The following HPSE2 variants were observed in gnomAD, a reference collection of about 807,000 sequenced individuals.
HPSE2 encodes the protein heparanase 2 (inactive).
A neutral mutation model predicts 60.5 loss-of-function variants in HPSE2; 38 were observed. The observed-to-expected ratio is 0.63, with a 90% CI of 0.48 to 0.82. The LOEUF is 0.82. Among genes scored for constraint, HPSE2 ranks in the 40% least tolerant of loss-of-function variants. The pLI, the probability that HPSE2 is intolerant of heterozygous loss-of-function variation, is 0.00. For synonymous variants in HPSE2, 295 were observed against 293.2 expected, an observed-to-expected ratio of 1.01 and a Z score of -0.06; for missense variants, 713 against 740.4, an observed-to-expected ratio of 0.96 and a Z score of 0.43.
intron 2 of HPSE2, among the ~76,000 whole-genome samples, chr10:99,228,312 T>C (rs920571914): frequency 1.3e-5 from 2 of 152,138 alleles, no homozygotes; most frequent in Admixed American, 1.3e-4. Context: ...ACATATTATG[T>C]AAGCAATCCA....
At chr10:98,728,450 T>G (rs1949146308) in intron 4 of HPSE2, among the ~76,000 whole-genome samples, 1 of 152,106 alleles carries the variant, frequency 6.6e-6, no homozygotes. Context: ...AAACCCTGTC[T>G]CTACTAAAAA....
intron 9 of HPSE2, among the ~76,000 whole-genome samples, chr10:98,591,560 G>C (rs1243350351): frequency 3.3e-5 from 5 of 152,116 alleles, no homozygotes; most frequent in Admixed American, 2.0e-4. Context: ...CTACTTGGGA[G>C]TTGAGGCACG....
chr10:99,260,847 G>A, the HPSE2 span, among the ~76,000 whole-genome samples: 11 of 152,092 alleles, frequency 7.2e-5, no homozygotes, highest in South Asian at 8.3e-4. Context: ...GCAACCTTGC[G>A]ACCTCCATTC....
Position 98,620,610 on chromosome 10 carries a change from T to C in HPSE2, c.1197A>G (p.Ala399=). The change falls in exon 8 of 12, where the codon GCA becomes GCG. Residue 399 remains alanine (A), a synonymous_variant. Coordinates refer to ENST00000370552, the MANE Select transcript of HPSE2 (RefSeq NM_021828.5). ...GTNNLSDSYA[A]GFLWLNTLGM... ...TTGCAGGTGTTACTCACAAGAATCC[T>C]GCAGCATAGGAATCGGATAGATTGT... The C allele has an allele frequency of 6.2e-7, 1 of 1,613,544 alleles. No homozygotes were observed.
intron 3 of HPSE2, among the ~76,000 whole-genome samples, chr10:99,096,616 T>C (rs933453924): frequency 6.6e-6 from 1 of 152,208 alleles, no homozygotes; most frequent in Non-Finnish European, 1.5e-5. Flanking sequence ...CATTTAGGGA[T>C]AATCCATATC....
At chr10:99,206,247 A>T (rs968956455) in intron 2 of HPSE2, among the ~76,000 whole-genome samples, 1 of 152,166 alleles carries the variant, frequency 6.6e-6, no homozygotes, top group Non-Finnish European at 1.5e-5. Context: ...GTGTTAATCT[A>T]CTGTTCCATA....
At chr10:98,918,628 A>G (rs1564655502) in intron 3 of HPSE2, among the ~76,000 whole-genome samples, 1 of 139,650 alleles carries the variant, frequency 7.2e-6, no homozygotes, top group Non-Finnish European at 1.5e-5. Context: ...GAATTGAACA[A>G]TGAGAACACA....
At chr10:98,753,964 A>C (rs1272377921) in intron 3 of HPSE2, among the ~76,000 whole-genome samples, 1 of 152,228 alleles carries the variant, frequency 6.6e-6, no homozygotes, top group Non-Finnish European at 1.5e-5. Flanking sequence ...TCTTACCTCC[A>C]AATGACCACA....
chr10:98,459,625 C>T lies in HPSE2; in HGVS notation c.1728G>A (p.Met576Ile), dbSNP rs553205809. Residue 576 changes from methionine to isoleucine, a missense_variant, in exon 12 of 12, where the codon ATG (methionine) becomes ATA (isoleucine). Physicochemically the swap from Met to Ile is conservative, Grantham distance 10. Transcript: ENST00000370552. ...GRTLVIPPVT[M>I]GFYVVKNVNA... The stretch of plus-strand genomic sequence containing the variant: ...TGACATTCTTGACCACATAAAAGCC[C>T]ATGGTGACTGGAGGGATGACCAATG... 5.6e-6 allele frequency: 9 copies of T among 1,614,140 alleles called. No individual in the cohort carries two copies. In the African/African-American group the frequency reaches 1.1e-4, roughly 19 times the overall value.
chr10:99,211,759 A>G (rs1319150437), intron 2 of HPSE2, among the ~76,000 whole-genome samples: 1 of 152,202 alleles, frequency 6.6e-6, no homozygotes, highest in African/African-American at 2.4e-5. Flanking sequence ...TAAAACTATT[A>G]GAAGAACACA....
intron 3 of HPSE2, among the ~76,000 whole-genome samples, chr10:99,058,125 T>C (rs1375211985): frequency 1.3e-5 from 2 of 152,106 alleles, no homozygotes; most frequent in Non-Finnish European, 2.9e-5. Context: ...CAGCACAGTT[T>C]TAGAGGGTTC....
intron 3 of HPSE2, among the ~76,000 whole-genome samples, chr10:98,968,943 G>A (rs776658947): frequency 6.6e-6 from 1 of 151,792 alleles, no homozygotes; most frequent in African/African-American, 2.4e-5. Flanking sequence ...CACCACTAAC[G>A]AAGTTACCCA....
intron 3 of HPSE2, among the ~76,000 whole-genome samples, chr10:98,789,777 T>C (rs928914737): frequency 1.3e-5 from 2 of 152,096 alleles, no homozygotes; most frequent in Non-Finnish European, 2.9e-5. Context: ...CTACCACAAA[T>C]GGGGAAAAGA....
chr10:98,663,018 T>G (rs1947265251), intron 6 of HPSE2, among the ~76,000 whole-genome samples: 1 of 152,142 alleles, frequency 6.6e-6, no homozygotes, highest in Non-Finnish European at 1.5e-5. Flanking sequence ...ATGAAGGTCA[T>G]TTAATATTTA....
intron 9 of HPSE2, among the ~76,000 whole-genome samples, chr10:98,576,750 C>T (rs1390106969): frequency 2.0e-5 from 3 of 152,100 alleles, no homozygotes; most frequent in Non-Finnish European, 4.4e-5. Context: ...CCTCCGCCCC[C>T]AACACAGTCT....
At chr10:98,974,058 A>C (rs1956025858) in intron 3 of HPSE2, among the ~76,000 whole-genome samples, 1 of 152,024 alleles carries the variant, frequency 6.6e-6, no homozygotes, top group Non-Finnish European at 1.5e-5. Context: ...TGGGAGGCTG[A>C]GGTGGGTGGA....
chr10:98,712,531 T>TA (rs1413287200), intron 5 of HPSE2, among the ~76,000 whole-genome samples: 1 of 152,078 alleles, frequency 6.6e-6, no homozygotes, highest in East Asian at 1.9e-4. Flanking sequence ...GATTAGGCAC[T>TA]TAGTAGAAGT....
intron 3 of HPSE2, among the ~76,000 whole-genome samples, chr10:98,859,621 G>A (rs80233532): frequency 6.6e-6 from 1 of 152,126 alleles, no homozygotes; most frequent in African/African-American, 2.4e-5. Flanking sequence ...TCAGGACTTA[G>A]ACCAACCCTC....
chr10:98,833,364 C>T (rs994460213), intron 3 of HPSE2, among the ~76,000 whole-genome samples: 10 of 152,152 alleles, frequency 6.6e-5, no homozygotes, highest in Non-Finnish European at 2.9e-5. Context: ...GTGCCAAAGT[C>T]TTCTGTGCTT....
Sources: allele counts gnomAD v4.1 joint callset (sites outside exome capture counted in the v4.1 genomes callset), GRCh38; gene constraint gnomAD v4.1.1; transcripts MANE v1.5; gene names NCBI Gene and HGNC (gene_info 2026-07-23, HGNC 2026-07-21).